The following TEX36 variants were observed in gnomAD, a reference collection of about 807,000 sequenced individuals.
TEX36 encodes the protein testis-expressed protein 36.
TEX36 carries 12 observed loss-of-function variants against 13.6 expected under a neutral mutation model. The observed-to-expected ratio is 0.88, with a 90% confidence interval of 0.56 to 1.43. TEX36 has a LOEUF of 1.43. TEX36 is among the 40% of genes most tolerant of loss of function. The probability of loss-of-function intolerance (pLI) is 0.00; values close to 1 mark genes in which losing one functional copy is unlikely to be tolerated. For synonymous variants in TEX36, 93 were observed against 83.0 expected, an observed-to-expected ratio of 1.12 and a Z score of -0.65; for missense variants, 224 against 228.3, an observed-to-expected ratio of 0.98 and a Z score of 0.12.
chr10:125,648,717 A>C (rs1846809112), intron 3 of TEX36, among the ~76,000 whole-genome samples: 1 of 152,230 alleles, frequency 6.6e-6, no homozygotes, highest in Non-Finnish European at 1.5e-5. Context: ...TCCGAGCTAA[A>C]GGAGAATGTT....
chr10:125,583,814 T>C (rs1392161460), intron 3 of TEX36, among the ~76,000 whole-genome samples: 1 of 152,210 alleles, frequency 6.6e-6, no homozygotes, highest in African/African-American at 2.4e-5. Flanking sequence ...AAAAATTCTT[T>C]GAAACAGTAT....
At chr10:125,634,243 T>C (rs1846596309) in intron 3 of TEX36, among the ~76,000 whole-genome samples, 1 of 152,136 alleles carries the variant, frequency 6.6e-6, no homozygotes, top group Non-Finnish European at 1.5e-5. Context: ...AGAGTGTGAT[T>C]CCTTCAGCAG....
intron 3 of TEX36, among the ~76,000 whole-genome samples, chr10:125,660,392 T>A (rs1176086682): frequency 6.6e-6 from 1 of 152,222 alleles, no homozygotes; most frequent in Non-Finnish European, 1.5e-5. Flanking sequence ...CCCAAACTGC[T>A]GGGATTTCAG....
chr10:125,669,389 A>G (rs1589785855), intron 1 of TEX36, among the ~76,000 whole-genome samples: 1 of 152,118 alleles, frequency 6.6e-6, no homozygotes, highest in African/African-American at 2.4e-5. Context: ...CTGAGGCAGG[A>G]TAATCACTTG....
Position 125,664,843 on chromosome 10 carries a change from G to A in TEX36, c.52-2866C>T, listed in dbSNP as rs7912981. Among the ~76,000 whole-genome samples, 793 of 152,242 alleles carry A rather than the reference G, an allele frequency of 5.2e-3. 7 individuals carry two copies. The highest frequency in any genetic ancestry group is 0.018 in the African/African-American group (762 of 41,544). On this transcript the variant is annotated intron_variant, in intron 1 of 3. Coordinates refer to ENST00000368821, the MANE Select transcript of TEX36 (RefSeq NM_001128202.3). ...TTTACATTTCCACCAGCAGTGTACA[G>A]GTGTTCTCTTTTCTTGATATCCTCA...
At position 125,609,167 on chromosome 10, in the gene TEX36, AAC is replaced by A. The variant is rs779492112; in HGVS notation, c.265-32295_265-32294del. On this transcript the variant is annotated intron_variant, in intron 3 of 3. Coordinates refer to the TEX36 transcript ENST00000532135. ...GAGACTCCATCTCAGGAAAAAACAA[AAC>A]AAAAAAAAAAAAACTTTTAAACTAA... Among the ~76,000 whole-genome samples the A allele has an allele frequency of 4.4e-3, 348 of 78,326 alleles. 12 individuals carry two copies. The highest frequency in any genetic ancestry group is 0.019 in the African/African-American group (311 of 16,620). The allele number at this position is 78,326 out of a possible 152,430, so 51.4% of individuals were successfully genotyped here.
intron 3 of TEX36, among the ~76,000 whole-genome samples, chr10:125,590,019 TGTGTCTGCAAG>T (rs1454240805): frequency 1.3e-5 from 2 of 152,236 alleles, no homozygotes; most frequent in Non-Finnish European, 2.9e-5. Context: ...ACTACAATCA[TGTGTCTGCAAG>T]GTGTCTGCAG....
intron 3 of TEX36, among the ~76,000 whole-genome samples, chr10:125,587,387 T>C (rs192567157): frequency 1.6e-4 from 25 of 152,304 alleles, no homozygotes; most frequent in Admixed American, 8.5e-4. Context: ...GTTATTAAAC[T>C]TACACAGTTG....
At chr10:125,623,530 A>G (rs750586805) in intron 3 of TEX36, among the ~76,000 whole-genome samples, 3 of 152,152 alleles carry the variant, frequency 2.0e-5, no homozygotes, top group Non-Finnish European at 4.4e-5. Context: ...TAATATGTGT[A>G]ACATGAAACT....
In TEX36 at chr10:125,590,864, T is replaced by C. The variant is rs573428855; in HGVS notation, c.265-13990A>G. Among the ~76,000 whole-genome samples the C allele has an allele frequency of 6.6e-5, 10 of 152,308 alleles. No individual in the cohort carries two copies. In the South Asian group the frequency reaches 2.1e-3, roughly 32 times the overall value. ...ATATAGATATATTGATATATATACA[T>C]ATTATGCAAGCAGGAGTTACAAAAG... On this transcript the variant is annotated intron_variant, in intron 3 of 3. Coordinates refer to the TEX36 transcript ENST00000532135.
At position 125,640,965 on chromosome 10, in the gene TEX36, T is replaced by A. The variant is rs1846682366; in HGVS notation, c.265-19320A>T. Among the ~76,000 whole-genome samples, 3 of 146,936 alleles carry A rather than the reference T, an allele frequency of 2.0e-5. No individual in the cohort carries two copies. The South Asian group carries it at 6.8e-4, about 34-fold the overall frequency. ...TTCAACCCTTCCTCCCCCACACCCA[T>A]CTCTCCCCCCTCCCCCGGGAATCTT... On this transcript the variant is annotated intron_variant, in intron 3 of 3. Coordinates refer to the TEX36 transcript ENST00000526819.
chr10:125,677,510 T>C (rs888311138), intron 1 of TEX36, among the ~76,000 whole-genome samples: 1 of 152,194 alleles, frequency 6.6e-6, no homozygotes, highest in Non-Finnish European at 1.5e-5. Context: ...ATGTATTTTG[T>C]ATTTCCTTCC....
rs527427081 is a variant in TEX36, at chr10:125,635,840, G to T, written c.265-14195C>A. On this transcript the variant is annotated intron_variant, in intron 3 of 3. Transcript: ENST00000526819. ...CATCCACGGCTCTTTCAACTTCTCT[G>T]CTTGGTGATTGGGCAGCCTGAATTT... 4.6e-5 allele frequency among the ~76,000 whole-genome samples: 7 copies of T among 151,996 alleles called. No homozygotes were observed. In the South Asian group the frequency reaches 8.3e-4, roughly 18 times the overall value.
chr10:125,620,037 C>T (rs929740383), downstream of TEX36, among the ~76,000 whole-genome samples: 3 of 151,974 alleles, frequency 2.0e-5, no homozygotes, highest in African/African-American at 7.3e-5. Context: ...CTCTATTTTG[C>T]CAGGTATTTA....
At chr10:125,582,793 A>G (rs1484689016) in intron 3 of TEX36, among the ~76,000 whole-genome samples, 1 of 152,236 alleles carries the variant, frequency 6.6e-6, no homozygotes, top group Non-Finnish European at 1.5e-5. Context: ...TTAAAAAAGC[A>G]ATTTGCATAA....
chr10:125,667,353 T>A, intron 1 of TEX36: 1 of 646,220 alleles, frequency 1.5e-6, no homozygotes, highest in Non-Finnish European at 3.0e-6. Context: ...TGGCAGTGCT[T>A]CAAGTCATGG....
chr10:125,611,603 T>C (rs1846290539), intron 3 of TEX36, among the ~76,000 whole-genome samples: 2 of 152,218 alleles, frequency 1.3e-5, no homozygotes, highest in South Asian at 4.1e-4. Context: ...AAGCTATTTA[T>C]ATATGAAAAA....
chr10:125,667,272 G>A lies in TEX36; in HGVS notation c.52-5295C>T. 5 of 626,242 alleles carry A rather than the reference G, an allele frequency of 8.0e-6. No individual in the cohort carries two copies. The Middle Eastern group carries it at 8.0e-4, about 101-fold the overall frequency. 38.8% of individuals were successfully genotyped at this position (626,242 alleles called of 1,614,324 possible). A position where few individuals can be genotyped will look rare whatever the true frequency, so the allele number is the denominator to read the frequency against. ...TGACCATGCTGGGGTTCAGCAAGAT[G>A]CCCTCCAAGATAGATGTGTTGATCA... On this transcript the variant is annotated intron_variant, in intron 1 of 3. Transcript: ENST00000368821.
intron 3 of TEX36, among the ~76,000 whole-genome samples, chr10:125,634,683 T>C (rs1846601470): frequency 6.6e-6 from 1 of 152,234 alleles, no homozygotes; most frequent in Admixed American, 6.5e-5. Flanking sequence ...CCTGCTAGAA[T>C]GGATAGCGCC....
Sources: allele counts gnomAD v4.1 joint callset (sites outside exome capture counted in the v4.1 genomes callset), GRCh38; gene constraint gnomAD v4.1.1; transcripts MANE v1.5; gene names NCBI Gene and HGNC (gene_info 2026-07-23, HGNC 2026-07-21).